Variants in LYRM4 observed in about 807,000 individuals in gnomAD.
LYRM4 encodes the protein LYR motif containing 4.
Under a neutral mutation model 11.7 loss-of-function variants are expected in LYRM4, and 9 were observed. The observed-to-expected ratio is 0.77, with a 90% CI of 0.46 to 1.34. LYRM4 has a LOEUF of 1.34. Among genes scored for constraint, LYRM4 ranks in the 40% most tolerant of loss-of-function variants. LYRM4 has a pLI of 0.00. For missense variants in LYRM4, 133 were observed against 112.5 expected, an observed-to-expected ratio of 1.18 and a Z score of -0.82; for synonymous variants, 42 against 40.4, an observed-to-expected ratio of 1.04 and a Z score of -0.15.
At chr6:5,178,258 GAAGA>G (rs1759837434) in intron 2 of LYRM4, among the ~76,000 whole-genome samples, 1 of 152,078 alleles carries the variant, frequency 6.6e-6, no homozygotes, top group South Asian at 2.1e-4. Flanking sequence ...AGTCAAGTAT[GAAGA>G]AAGAGGCCAC....
At chr6:5,070,888 A>AG in the LYRM4 span, among the ~76,000 whole-genome samples, 2 of 148,042 alleles carry the variant, frequency 1.4e-5, no homozygotes, top group East Asian at 4.1e-4. Flanking sequence ...AAAAAAAAAA[A>AG]AAGGTTTAAA....
At chr6:5,151,620 G>A (rs1336487556) in intron 2 of LYRM4, among the ~76,000 whole-genome samples, 1 of 152,148 alleles carries the variant, frequency 6.6e-6, no homozygotes, top group Non-Finnish European at 1.5e-5. Flanking sequence ...TTTATCAGGA[G>A]GCAGCATGTT....
intron 2 of LYRM4, among the ~76,000 whole-genome samples, chr6:5,195,679 T>G (rs1761012551): frequency 6.6e-6 from 1 of 152,032 alleles, no homozygotes; most frequent in African/African-American, 2.4e-5. Context: ...TATGAAGCCC[T>G]TCTCACAAGG....
At chr6:5,176,313 T>C (rs987110005) in intron 2 of LYRM4, among the ~76,000 whole-genome samples, 15 of 152,202 alleles carry the variant, frequency 9.9e-5, no homozygotes, top group Non-Finnish European at 1.9e-4. Context: ...TCCACCCGCC[T>C]CAGCCTCCCA....
At chr6:5,243,971 T>C (rs1022549331) in intron 1 of LYRM4, among the ~76,000 whole-genome samples, 4 of 152,238 alleles carry the variant, frequency 2.6e-5, no homozygotes, top group African/African-American at 9.6e-5. Flanking sequence ...TCTTATTTTT[T>C]AAAAGGGAAA....
chr6:5,094,352 C>T, the LYRM4 span, among the ~76,000 whole-genome samples: 1 of 152,204 alleles, frequency 6.6e-6, no homozygotes, highest in East Asian at 1.9e-4. Context: ...GGCCTGATGG[C>T]ACACACCCGT....
chr6:5,257,134 C>T (rs1764714570), intron 1 of LYRM4, among the ~76,000 whole-genome samples: 1 of 152,132 alleles, frequency 6.6e-6, no homozygotes, highest in Admixed American at 6.5e-5. Flanking sequence ...AAATGCAAAT[C>T]TGGTCATGTC....
chr6:5,032,661 TATTATGA>T, the LYRM4 span: 1 of 152,238 alleles, frequency 6.6e-6, no homozygotes, highest in Non-Finnish European at 1.5e-5. Flanking sequence ...TCTGTAGTTT[TATTATGA>T]ATTAGGAGTT....
chr6:5,063,906 G>A, the LYRM4 span, among the ~76,000 whole-genome samples: 1 of 152,056 alleles, frequency 6.6e-6, no homozygotes, highest in Non-Finnish European at 1.5e-5. Context: ...GGAACTGTCT[G>A]GGCACACTAG....
chr6:5,228,726 C>T (rs911494395), intron 1 of LYRM4, among the ~76,000 whole-genome samples: 2 of 151,816 alleles, frequency 1.3e-5, no homozygotes, highest in African/African-American at 2.4e-5. Context: ...CCTGGCTGGG[C>T]GCAGTGGCTC....
At chr6:5,055,629 G>T in the LYRM4 span, among the ~76,000 whole-genome samples, 2 of 152,134 alleles carry the variant, frequency 1.3e-5, no homozygotes, top group African/African-American at 4.8e-5. This position sits in a 1 kb window ranked among gnomAD's most constrained non-coding sequence, Gnocchi z 4.5. Context: ...AGTGTTTCAC[G>T]TTCTTGACTG....
chr6:5,152,397 A>G (rs919037469), intron 2 of LYRM4, among the ~76,000 whole-genome samples: 1 of 152,100 alleles, frequency 6.6e-6, no homozygotes, highest in African/African-American at 2.4e-5. Flanking sequence ...CACATGTACT[A>G]CCTCCAGTGC....
intron 2 of LYRM4, among the ~76,000 whole-genome samples, chr6:5,122,917 A>G (rs1358272356): frequency 6.6e-6 from 1 of 152,018 alleles, no homozygotes; most frequent in African/African-American, 2.4e-5. Context: ...TCCTCTGCTC[A>G]CCTCCCTCAG....
In LYRM4 at chr6:5,120,734, C is replaced by G. The variant is rs541759014; in HGVS notation, c.208-11243G>C. Among the ~76,000 whole-genome samples, 3 of 152,316 alleles carry G rather than the reference C, an allele frequency of 2.0e-5. No individual in the cohort carries two copies. In the East Asian group the frequency reaches 5.8e-4, roughly 29 times the overall value. ...CATTTTGCGAACCTCTAGCTAGCCTCAGAGCGCTGATTGGTGCATTTTTAC... is the reference window on the plus strand; with the variant it reads ...CATTTTGCGAACCTCTAGCTAGCCTGAGAGCGCTGATTGGTGCATTTTTAC... On this transcript the variant is annotated intron_variant, in intron 2 of 2. Coordinates refer to ENST00000330636, the MANE Select transcript of LYRM4 (RefSeq NM_020408.6).
chr6:5,174,083 C>T (rs1488369243), intron 2 of LYRM4, among the ~76,000 whole-genome samples: 4 of 152,154 alleles, frequency 2.6e-5, no homozygotes, highest in African/African-American at 7.2e-5. Context: ...CAGAAAGCTG[C>T]CTCCTCTTCG....
chr6:5,064,181 A>G, the LYRM4 span, among the ~76,000 whole-genome samples: 19 of 148,338 alleles, frequency 1.3e-4, no homozygotes, highest in African/African-American at 4.8e-4. Flanking sequence ...TTGGAATTTT[A>G]TCCCATCTGC....
At chr6:5,083,133 T>C in the LYRM4 span, among the ~76,000 whole-genome samples, 1 of 152,146 alleles carries the variant, frequency 6.6e-6, no homozygotes, top group African/African-American at 2.4e-5. Context: ...TGATGCCTCC[T>C]TAAATTCTAT....
chr6:5,058,595 C>T, the LYRM4 span, among the ~76,000 whole-genome samples: 50 of 152,166 alleles, frequency 3.3e-4, no homozygotes, highest in Admixed American at 9.8e-4. Flanking sequence ...AGGCATCCCT[C>T]GGGGGGAACC....
intron 2 of LYRM4, among the ~76,000 whole-genome samples, chr6:5,114,298 C>CACCATGCCAGCTCT (rs1476342834): frequency 3.3e-5 from 5 of 152,210 alleles, no homozygotes; most frequent in African/African-American, 1.2e-4. Flanking sequence ...ACCATGGAGC[C>CACCATGCCAGCTCT]ACCATGCCAG....
Sources: gnomAD v4.1 joint callset for allele counts (sites outside exome capture counted in the v4.1 genomes callset) on GRCh38, gnomAD v4.1.1 for gene constraint, Gnocchi (gnomAD v3.1) non-coding constraint, MANE v1.5 for transcripts, NCBI Gene and HGNC (gene_info 2026-07-23, HGNC 2026-07-21) for gene names.